Variants in UBAC2 observed in about 807,000 individuals in gnomAD.
UBAC2 encodes the protein ubiquitin-associated domain-containing protein 2.
Under a neutral mutation model 44.0 loss-of-function variants are expected in UBAC2, and 26 were observed. The ratio of observed to expected loss-of-function variants is 0.59; its 90% CI spans 0.43 to 0.82. UBAC2 has a LOEUF of 0.82. Among genes scored for constraint, UBAC2 ranks in the 40% least tolerant of loss-of-function variants. UBAC2 has a pLI of 0.00. For missense variants in UBAC2, 329 were observed against 419.4 expected (o/e 0.78, Z 1.88); for synonymous variants, 155 against 154.3 (o/e 1.00, Z -0.04).
At chr13:99,202,734 C>T (rs78574209) in intron 1 of UBAC2, among the ~76,000 whole-genome samples, 3 of 152,148 alleles carry the variant, frequency 2.0e-5, no homozygotes, top group Admixed American at 2.0e-4. Flanking sequence ...TGGCCTGTTT[C>T]TAAAATTAAG....
At chr13:99,371,192 C>T (rs1280797568) in intron 8 of UBAC2, among the ~76,000 whole-genome samples, 1 of 150,426 alleles carries the variant, frequency 6.6e-6, no homozygotes, top group Non-Finnish European at 1.5e-5. Context: ...TTTCCTTGAT[C>T]ATCCCAGAAT....
intron 7 of UBAC2, among the ~76,000 whole-genome samples, chr13:99,343,221 C>T (rs781108564): frequency 8.5e-5 from 13 of 152,254 alleles, no homozygotes; most frequent in Non-Finnish European, 1.5e-4. Flanking sequence ...ACCACATGCT[C>T]ACTTTGTGGC....
At chr13:99,325,793 G>C (rs1357654124) in intron 6 of UBAC2, among the ~76,000 whole-genome samples, 5 of 152,136 alleles carry the variant, frequency 3.3e-5, no homozygotes, top group Admixed American at 6.5e-5. Flanking sequence ...TGCAGTATTT[G>C]TCTTTCCGTG....
chr13:99,370,852 G>C (rs1166628869), intron 8 of UBAC2, among the ~76,000 whole-genome samples: 3 of 152,174 alleles, frequency 2.0e-5, no homozygotes, highest in African/African-American at 2.4e-5. Context: ...ACCTCCACTA[G>C]AGAATTTCTA....
At chr13:99,379,442 T>A (rs1214891838) in intron 8 of UBAC2, among the ~76,000 whole-genome samples, 1 of 152,250 alleles carries the variant, frequency 6.6e-6, no homozygotes, top group African/African-American at 2.4e-5. Flanking sequence ...TTAAAAAATT[T>A]GGTTTCATGT....
chr13:99,345,159 C>A (rs1317884926), intron 7 of UBAC2, among the ~76,000 whole-genome samples: 2 of 152,072 alleles, frequency 1.3e-5, no homozygotes, highest in Non-Finnish European at 2.9e-5. Flanking sequence ...AAAGGAGAGA[C>A]CTCCAGGAGC....
intron 6 of UBAC2, among the ~76,000 whole-genome samples, chr13:99,322,610 A>G (rs1413557477): frequency 2.6e-5 from 4 of 152,168 alleles, no homozygotes; most frequent in African/African-American, 7.2e-5. Context: ...CATTTCCTGC[A>G]TTCGTTACTT....
At chr13:99,202,198 A>T (rs2042812422) in intron 1 of UBAC2, among the ~76,000 whole-genome samples, 1 of 151,902 alleles carries the variant, frequency 6.6e-6, no homozygotes, top group African/African-American at 2.4e-5. Context: ...AATCTTCCTC[A>T]CTTCTCAACT....
chr13:99,306,810 G>A (rs1458737940), intron 4 of UBAC2, among the ~76,000 whole-genome samples: 1 of 152,016 alleles, frequency 6.6e-6, no homozygotes, highest in Non-Finnish European at 1.5e-5. Context: ...CTTTGCTGGC[G>A]GGAGGGTAAA....
intron 4 of UBAC2, among the ~76,000 whole-genome samples, chr13:99,299,071 A>T (rs2044218841): frequency 6.6e-6 from 1 of 152,202 alleles, no homozygotes; most frequent in Admixed American, 6.5e-5. Flanking sequence ...ATGAATAATT[A>T]TTATTGTAGA....
intron 1 of UBAC2, among the ~76,000 whole-genome samples, chr13:99,214,717 C>G (rs759953071): frequency 6.6e-6 from 1 of 152,146 alleles, no homozygotes; most frequent in Non-Finnish European, 1.5e-5. Flanking sequence ...CATTGTTCTC[C>G]TTAAGCAGAT....
At chr13:99,349,760 T>G (rs1171556409) in intron 7 of UBAC2, among the ~76,000 whole-genome samples, 1 of 151,852 alleles carries the variant, frequency 6.6e-6, no homozygotes, top group East Asian at 1.9e-4. Context: ...GAACCAGGAG[T>G]ACGGGAGGAA....
intron 6 of UBAC2, among the ~76,000 whole-genome samples, chr13:99,333,972 A>G (rs2044751866): frequency 6.6e-6 from 1 of 152,142 alleles, no homozygotes; most frequent in Non-Finnish European, 1.5e-5. Flanking sequence ...AATTAGCAAC[A>G]AGATCTTGCT....
At chr13:99,270,569 G>C (rs1055469707) in intron 4 of UBAC2, among the ~76,000 whole-genome samples, 1 of 152,162 alleles carries the variant, frequency 6.6e-6, no homozygotes, top group African/African-American at 2.4e-5. Flanking sequence ...TCAACAACAA[G>C]TAGAATATTT....
intron 4 of UBAC2, among the ~76,000 whole-genome samples, chr13:99,253,622 T>C (rs1170570313): frequency 6.6e-6 from 1 of 152,172 alleles, no homozygotes; most frequent in Non-Finnish European, 1.5e-5. Flanking sequence ...CAAGCTATTC[T>C]CCTGCCTCAG....
intron 5 of UBAC2, among the ~76,000 whole-genome samples, chr13:99,315,669 G>A (rs947886149): frequency 6.6e-6 from 1 of 151,916 alleles, no homozygotes; most frequent in Non-Finnish European, 1.5e-5. Flanking sequence ...ACCTTACAGA[G>A]GTATTTTAAA....
chr13:99,278,639 C>T (rs1159636031), intron 4 of UBAC2, among the ~76,000 whole-genome samples: 1 of 152,068 alleles, frequency 6.6e-6, no homozygotes, highest in Non-Finnish European at 1.5e-5. Context: ...CCTGGATCTC[C>T]AAATTTGAAG....
At chr13:99,201,150 C>T in intron 1 of UBAC2, 1 of 1,363,186 alleles carries the variant, frequency 7.3e-7, no homozygotes, top group South Asian at 2.0e-5. Context: ...GGACAAAGCC[C>T]CGCCGCCCGC....
At chr13:99,237,858 G>T (rs545934228) in intron 1 of UBAC2, among the ~76,000 whole-genome samples, 3 of 152,316 alleles carry the variant, frequency 2.0e-5, no homozygotes, top group African/African-American at 7.2e-5. Flanking sequence ...AGGAGGCTGA[G>T]GCAGGAGAAT....
Sources: allele counts gnomAD v4.1 joint callset (sites outside exome capture counted in the v4.1 genomes callset), GRCh38; gene constraint gnomAD v4.1.1; transcripts MANE v1.5; gene names NCBI Gene and HGNC (gene_info 2026-07-23, HGNC 2026-07-21).